Variants in ZNF577 observed in about 807,000 individuals in gnomAD.
The protein encoded by ZNF577 is zinc finger protein 577.
ZNF577 carries 14 observed loss-of-function variants against 13.9 expected under a neutral mutation model. That is an observed-to-expected ratio of 1.00 (90% confidence interval 0.66 to 1.57). The LOEUF (loss-of-function observed/expected upper bound fraction) is 1.57, where lower values mean the gene tolerates loss of function less well. Ranked by LOEUF, ZNF577 falls within the 40% of genes most tolerant of loss-of-function variation. The probability of loss-of-function intolerance (pLI) is 0.00; values close to 1 mark genes in which losing one functional copy is unlikely to be tolerated. For missense variants in ZNF577, 555 were observed against 579.2 expected, an observed-to-expected ratio of 0.96 and a Z score of 0.43; for synonymous variants, 203 against 202.9, an observed-to-expected ratio of 1.00 and a Z score of 0.00.
intron 9 of ZNF577, among the ~76,000 whole-genome samples, chr19:51,822,718 G>A (rs1468498882): frequency 6.6e-6 from 1 of 152,158 alleles, no homozygotes; most frequent in Non-Finnish European, 1.5e-5. Context: ...AAATATTCAT[G>A]CTCATTCTGT....
Position 51,873,221 on chromosome 19 carries a change from G to C in ZNF577, c.769C>G (p.Leu257Val). Reference protein sequence around the residue: ...CGKAFSRKCRLNRHQRSHTGE... With the variant: ...CGKAFSRKCRVNRHQRSHTGE... Reference sequence around the variant, plus strand: ...GTATGTGATCGCTGATGTCTATTGAGCCGGCACTTCCGGCTGAAGGCTTTT... The same window carrying C: ...GTATGTGATCGCTGATGTCTATTGACCCGGCACTTCCGGCTGAAGGCTTTT... Residue 257 changes from leucine (L) to valine (V), a missense_variant, in exon 6 of 6, where the codon CTC (leucine) becomes GTC (valine). Physicochemically the swap from Leu to Val is conservative, Grantham distance 32. Coordinates refer to ENST00000638348, the MANE Select transcript of ZNF577 (RefSeq NM_001370449.1). The C allele has an allele frequency of 6.2e-7, 1 of 1,613,936 alleles. No individual in the cohort carries two copies. The highest frequency in any genetic ancestry group is 8.5e-7 in the Non-Finnish European group (1 of 1,179,834).
At chr19:51,823,227 A>G (rs953138683) in intron 9 of ZNF577, among the ~76,000 whole-genome samples, 9 of 152,132 alleles carry the variant, frequency 5.9e-5, no homozygotes, top group African/African-American at 1.7e-4. Context: ...AGCTAACTCA[A>G]TCCAAACCCT....
chr19:51,814,589 G>T, intron 9 of ZNF577, among the ~76,000 whole-genome samples: 1 of 152,080 alleles, frequency 6.6e-6, no homozygotes, highest in East Asian at 1.9e-4. Context: ...CATCTGCTGG[G>T]TTCAAGTGAT....
At chr19:51,843,341 T>C (rs1398113347) in intron 6 of ZNF577, 1 of 130,418 alleles carries the variant, frequency 7.7e-6, no homozygotes, top group African/African-American at 3.0e-5. Flanking sequence ...CCTTTTAAAT[T>C]CTGGAGTTAA....
intron 9 of ZNF577, among the ~76,000 whole-genome samples, chr19:51,823,049 G>A (rs2084202195): frequency 6.6e-6 from 1 of 152,064 alleles, no homozygotes; most frequent in African/African-American, 2.4e-5. Flanking sequence ...TTTTAGTAGA[G>A]ATGGAGTTTC....
At chr19:51,856,484 G>C (rs1405662063) in intron 5 of ZNF577, among the ~76,000 whole-genome samples, 2 of 152,294 alleles carry the variant, frequency 1.3e-5, no homozygotes, top group South Asian at 4.1e-4. Context: ...AGACAGTTTT[G>C]TGTTTATTTG....
At chr19:51,848,945 G>GA (rs11345539) in intron 5 of ZNF577, among the ~76,000 whole-genome samples, 2 of 152,048 alleles carry the variant, frequency 1.3e-5, no homozygotes, top group African/African-American at 2.4e-5. Context: ...TAATGAGCTG[G>GA]AAAAAAATCA....
intron 1 of ZNF577, among the ~76,000 whole-genome samples, chr19:51,882,025 A>G (rs990002416): frequency 6.6e-6 from 1 of 152,160 alleles, no homozygotes; most frequent in Non-Finnish European, 1.5e-5. Context: ...ACTGGTCAAG[A>G]TGCAAACCTC....
intron 9 of ZNF577, among the ~76,000 whole-genome samples, chr19:51,813,240 G>A (rs929455346): frequency 6.6e-6 from 1 of 151,722 alleles, no homozygotes; most frequent in Non-Finnish European, 1.5e-5. Flanking sequence ...ATCTGGTGAG[G>A]GCCATTACTC....
chr19:51,805,909 CA>C lies in ZNF577; in HGVS notation c.*818-656del, dbSNP rs1376085218. Among the ~76,000 whole-genome samples, 8 of 152,238 alleles carry C rather than the reference CA, an allele frequency of 5.3e-5. No homozygotes were observed. The East Asian group carries it at 9.7e-4, about 18-fold the overall frequency. ...GCAGCCCAAGCCTCGGACAGATTAA[CA>C]GGAATCCCTAGCCCAGGGATGCAAC... is the stretch of plus-strand genomic sequence containing the variant. On this transcript the variant is annotated intron_variant and NMD_transcript_variant, in intron 10 of 10. Transcript: ENST00000638827.
At chr19:51,832,082 C>T (rs142374851) in intron 9 of ZNF577, among the ~76,000 whole-genome samples, 8 of 152,278 alleles carry the variant, frequency 5.3e-5, no homozygotes, top group African/African-American at 1.9e-4. Context: ...CACAAAATCA[C>T]CTCCCTTCTC....
rs572541721 is a variant in ZNF577 at position 51,876,398 on chromosome 19, G to C, written c.283+884C>G. 5.3e-5 allele frequency among the ~76,000 whole-genome samples: 8 copies of C among 152,010 alleles called. No homozygotes were observed. In the South Asian group the frequency reaches 1.2e-3, roughly 24 times the overall value. On this transcript the variant is annotated intron_variant, in intron 5 of 5. Transcript: ENST00000638348. ...CTTTGCGAGTCTCCAGCAGGGGCCA[G>C]AGAGCTCAGGCCCTGAGAGTGAATT...
intron 5 of ZNF577, chr19:51,860,881 G>T (rs1254639822): frequency 5.1e-6 from 2 of 390,868 alleles, no homozygotes; most frequent in Non-Finnish European, 9.7e-6. Flanking sequence ...AAAGAGTTTT[G>T]ACTTTCAGAT....
At chr19:51,806,555 C>T (rs1288799710) in intron 10 of ZNF577, among the ~76,000 whole-genome samples, 2 of 152,150 alleles carry the variant, frequency 1.3e-5, no homozygotes, top group Non-Finnish European at 2.9e-5. Context: ...TTTCAACATT[C>T]GTTGTAATGT....
Position 51,815,782 on chromosome 19 carries a change from G to A in ZNF577, c.*600-4108C>T, listed in dbSNP as rs76431493. ...AGGCTGAGGCTGGAGAATCCCTTGA[G>A]CCCAGGGAAGTGGAGGTTACAGTGA... On this transcript the variant is annotated intron_variant and NMD_transcript_variant, in intron 9 of 10. Coordinates refer to the ZNF577 transcript ENST00000638827. Among the ~76,000 whole-genome samples, 1,399 of 151,304 alleles carry A rather than the reference G, an allele frequency of 9.2e-3. 31 individuals carry two copies. Among genetic ancestry groups the A allele is most frequent in the Non-Finnish European group, 8.9e-3 (605 of 67,836 alleles).
At chr19:51,808,186 T>C (rs146432611) in intron 10 of ZNF577, among the ~76,000 whole-genome samples, 22 of 152,344 alleles carry the variant, frequency 1.4e-4, no homozygotes, top group African/African-American at 2.9e-4. Flanking sequence ...AGTTGATAGG[T>C]AGCAATACCT....
chr19:51,824,024 T>C lies in ZNF577; in HGVS notation c.*600-12350A>G. 6.2e-7 allele frequency: 1 copy of C among 1,614,108 alleles called. No homozygotes were observed. The highest frequency in any genetic ancestry group is 8.5e-7 in the Non-Finnish European group (1 of 1,180,000). The stretch of plus-strand genomic sequence containing the variant: ...CAGTCGCCATGAGAGAAAAATGGCC[T>C]TTTGGCTCATTCCTATGTAAGTTAG... On this transcript the variant is annotated intron_variant and NMD_transcript_variant, in intron 9 of 10. Transcript: ENST00000638827. The surrounding 1 kb of genome is among the most constrained non-coding windows in gnomAD (Gnocchi z 4.7).
chr19:51,869,280 C>T lies in ZNF577; in HGVS notation c.*3252G>A. Among the ~76,000 whole-genome samples the T allele has an allele frequency of 6.6e-6, 1 of 152,228 alleles. No individual in the cohort carries two copies. The highest frequency in any genetic ancestry group is 1.9e-4 in the East Asian group (1 of 5,198). ...TTCTATTTGCTGAGATAGGAGAAAA[C>T]CACCTTATGGCTGGATGTGAGACAT... On this transcript the variant is annotated 3_prime_UTR_variant, in exon 6 of 6. Transcript: ENST00000638348.
intron 9 of ZNF577, among the ~76,000 whole-genome samples, chr19:51,822,518 T>C (rs2084197996): frequency 6.6e-6 from 1 of 152,182 alleles, no homozygotes; most frequent in Non-Finnish European, 1.5e-5. Context: ...TAAGCTAGAT[T>C]AAAGATCTTT....
Sources: allele counts gnomAD v4.1 joint callset (sites outside exome capture counted in the v4.1 genomes callset), GRCh38; gene constraint gnomAD v4.1.1; non-coding constraint Gnocchi (gnomAD v3.1); transcripts MANE v1.5; gene names NCBI Gene and HGNC (gene_info 2026-07-23, HGNC 2026-07-21).